AOPEP: variants seen among roughly 807,000 people sequenced by gnomAD.
AOPEP encodes the protein aminopeptidase O (putative).
In AOPEP, 77 loss-of-function variants were observed where a neutral mutation model predicts 98.1. That is an observed-to-expected ratio of 0.78 (90% CI 0.65 to 0.95). The LOEUF (loss-of-function observed/expected upper bound fraction) is 0.95, where lower values mean the gene tolerates loss of function less well. AOPEP is among the 40% of genes least tolerant of loss of function. The pLI, the probability that AOPEP is intolerant of heterozygous loss-of-function variation, is 0.00. For missense variants in AOPEP, 1,024 were observed against 1,024.7 expected, an observed-to-expected ratio of 1.00 and a Z score of 0.01; for synonymous variants, 346 against 365.3, an observed-to-expected ratio of 0.95 and a Z score of 0.60.
intron 14 of AOPEP, among the ~76,000 whole-genome samples, chr9:95,078,838 G>A (rs2069383374): frequency 6.6e-6 from 1 of 152,250 alleles, no homozygotes; most frequent in African/African-American, 2.4e-5. Context: ...GGCAGTTTGG[G>A]TTCTCCACAG....
chr9:94,992,639 C>G (rs1045831747), intron 11 of AOPEP, among the ~76,000 whole-genome samples: 2 of 152,164 alleles, frequency 1.3e-5, no homozygotes, highest in African/African-American at 4.8e-5. Flanking sequence ...TTGGAGTCAG[C>G]TCTACCACCT....
the AOPEP span, chr9:95,110,483 C>G: frequency 2.9e-6 from 3 of 1,030,500 alleles, no homozygotes; most frequent in Non-Finnish European, 3.5e-6. Context: ...TTTAATCAGA[C>G]AGCAATCCTC....
chr9:95,130,554 T>C, the AOPEP span, among the ~76,000 whole-genome samples: 2 of 152,242 alleles, frequency 1.3e-5, no homozygotes, highest in African/African-American at 4.8e-5. Flanking sequence ...AAGCCTGGAA[T>C]AGATTCTTTC....
chr9:94,781,466 A>C (rs1376734262), intron 3 of AOPEP, among the ~76,000 whole-genome samples: 3 of 151,448 alleles, frequency 2.0e-5, no homozygotes, highest in African/African-American at 7.3e-5. Flanking sequence ...ATTACAGTTT[A>C]TGCCTTTTTT....
intron 3 of AOPEP, among the ~76,000 whole-genome samples, chr9:94,781,270 T>C (rs1031622401): frequency 2.0e-5 from 3 of 152,160 alleles, no homozygotes; most frequent in African/African-American, 7.2e-5. Flanking sequence ...AGCTAAACTA[T>C]TGAGCGCAGA....
rs115857989 is a variant in AOPEP, at chr9:95,050,622, A to C, written c.2116-10072A>C. On this transcript the variant is annotated intron_variant, in intron 13 of 16. Coordinates refer to ENST00000375315, the MANE Select transcript of AOPEP (RefSeq NM_001193329.3). Reference sequence around the variant, plus strand: ...TCCTTCATGTAGTTGGACTCACCTCACCACCTCCCCCCTGCTCCTTAGTTG... The same window carrying C: ...TCCTTCATGTAGTTGGACTCACCTCCCCACCTCCCCCCTGCTCCTTAGTTG... Among the ~76,000 whole-genome samples the C allele has an allele frequency of 2.6e-3, 400 of 152,262 alleles. 3 individuals carry two copies. Among genetic ancestry groups the C allele is most frequent in the African/African-American group, 9.3e-3 (386 of 41,552 alleles).
At chr9:94,799,390 A>G (rs1847726726) in intron 4 of AOPEP, among the ~76,000 whole-genome samples, 1 of 151,480 alleles carries the variant, frequency 6.6e-6, no homozygotes, top group Non-Finnish European at 1.5e-5. Context: ...CCCCATCTCC[A>G]GACCCCATCT....
chr9:94,966,109 G>A (rs2059182517), intron 9 of AOPEP, among the ~76,000 whole-genome samples: 1 of 148,150 alleles, frequency 6.7e-6, no homozygotes, highest in East Asian at 2.0e-4. Context: ...TGTAGAGTCT[G>A]TATTTGCAGA....
chr9:95,140,294 C>T, the AOPEP span, among the ~76,000 whole-genome samples: 5 of 152,096 alleles, frequency 3.3e-5, no homozygotes, highest in African/African-American at 7.2e-5. Context: ...CTCCCCTGTC[C>T]AACAGACTCT....
intron 13 of AOPEP, 95 bp downstream of exon 13, chr9:95,005,711 T>G (rs1564512430): frequency 1.0e-6 from 1 of 983,048 alleles, no homozygotes; most frequent in Non-Finnish European, 1.6e-6. Flanking sequence ...GTGTTTAATT[T>G]AAAAAGTTTT....
chr9:94,858,960 G>A (rs1362235889), intron 5 of AOPEP, among the ~76,000 whole-genome samples: 1 of 148,486 alleles, frequency 6.7e-6, no homozygotes, highest in Non-Finnish European at 1.5e-5. Flanking sequence ...CCCGGGAGGC[G>A]GAGCTTGCAG....
chr9:95,005,184 G>A lies in AOPEP; in HGVS notation c.2004G>A (p.Gly668=). Residue 668 remains glycine, a synonymous_variant, in exon 12 of 17, where the codon GGG becomes GGA. Transcript: ENST00000375315. ...CGCTGCAGAGGGAGCGTCGCGCCGG[G>A]GCGGAGTGCGGGCTTGCGCGGCAAG... ...PKPLQRERRA[G]AECGLARQVR... The A allele has an allele frequency of 8.7e-7, 1 of 1,149,406 alleles. No homozygotes were observed. The allele number at this position is 1,149,406 out of a possible 1,614,324, so 71.2% of individuals were successfully genotyped here.
intron 5 of AOPEP, among the ~76,000 whole-genome samples, chr9:94,909,500 A>G (rs2051691671): frequency 6.6e-6 from 1 of 152,210 alleles, no homozygotes; most frequent in African/African-American, 2.4e-5. Context: ...TTCCTCTCAC[A>G]TGAAACTGGT....
chr9:95,133,960 TC>T, the AOPEP span, among the ~76,000 whole-genome samples: 1 of 152,230 alleles, frequency 6.6e-6, no homozygotes, highest in Admixed American at 6.5e-5. Context: ...ATATGACTCT[TC>T]CGGATGGTAA....
chr9:95,083,700 CCACA>C (rs974997374), intron 16 of AOPEP, among the ~76,000 whole-genome samples: 1 of 151,982 alleles, frequency 6.6e-6, no homozygotes, highest in South Asian at 2.1e-4. Flanking sequence ...ACCGCACGCA[CCACA>C]CAGAGCACAT....
At chr9:95,085,178 T>A in intron 16 of AOPEP, 1 of 458,894 alleles carries the variant, frequency 2.2e-6, no homozygotes, top group Non-Finnish European at 4.7e-6. Flanking sequence ...GGAAGCCCAG[T>A]GTGTGCAGAC....
chr9:95,060,658 A>G (rs1360366423), intron 13 of AOPEP, 36 bp from the exon 14 acceptor site: 1 of 1,359,854 alleles, frequency 7.4e-7, no homozygotes, highest in South Asian at 1.2e-5. Context: ...CATCAACTGA[A>G]TGGCATTTTC....
chr9:94,853,349 A>G (rs2043791121), intron 5 of AOPEP, among the ~76,000 whole-genome samples: 1 of 152,074 alleles, frequency 6.6e-6, no homozygotes, highest in African/African-American at 2.4e-5. Context: ...AGTCCCAACT[A>G]CTTGGGAGGC....
At position 94,928,474 on chromosome 9, in the gene AOPEP, G is replaced by A. The variant is rs765776872; in HGVS notation, c.1604G>A (p.Arg535His). The A allele has an allele frequency of 6.5e-6, 10 of 1,550,286 alleles. No homozygotes were observed. The East Asian group carries it at 7.3e-5, about 11-fold the overall frequency. Residue 535 changes from arginine to histidine, a missense_variant, in exon 7 of 17, where the codon CGC (arginine) becomes CAC (histidine). By Grantham distance (29) the Arg-to-His change is conservative. Transcript: ENST00000375315. ...REQQELRACL[R>H]WRRLQDEMQC... ...CAGCAGGAGCTGAGGGCTTGTCTGC[G>A]CTGGCGTCGCCTCCAGGACGAGATG...
Sources: gnomAD v4.1 joint callset for allele counts (sites outside exome capture counted in the v4.1 genomes callset) on GRCh38, gnomAD v4.1.1 for gene constraint, MANE v1.5 for transcripts, NCBI Gene and HGNC (gene_info 2026-07-23, HGNC 2026-07-21) for gene names.